DHX15: variants seen among roughly 807,000 people sequenced by gnomAD.
The protein encoded by DHX15 is DEAH-box helicase 15.
DHX15 carries 11 observed loss-of-function variants against 94.4 expected under a neutral mutation model. The ratio of observed to expected loss-of-function variants is 0.12; its 90% CI spans 0.07 to 0.19. DHX15 has a LOEUF of 0.19. Ranked by LOEUF, DHX15 falls within the 10% of genes least tolerant of loss-of-function variation. DHX15 has a pLI of 1.00. For missense variants in DHX15, 304 were observed against 988.5 expected (o/e 0.31, Z 9.29); for synonymous variants, 338 against 329.9 (o/e 1.02, Z -0.27).
intron 5 of DHX15, among the ~76,000 whole-genome samples, chr4:24,553,284 G>A (rs1340554168): frequency 6.6e-6 from 1 of 151,850 alleles, no homozygotes; most frequent in Non-Finnish European, 1.5e-5. Flanking sequence ...TCGCGCCACT[G>A]CACTCCAGCC....
intron 8 of DHX15, 98 bp from the exon 9 acceptor site, chr4:24,541,046 T>G: frequency 1.5e-6 from 1 of 662,242 alleles, no homozygotes; most frequent in Non-Finnish European, 2.7e-6. Flanking sequence ...CTATTTGTTT[T>G]GGCATTACTT....
intron 10 of DHX15, chr4:24,539,707 C>G (rs1267076271): frequency 6.5e-6 from 1 of 153,372 alleles, no homozygotes; most frequent in African/African-American, 2.4e-5. Context: ...TAATGTATAG[C>G]TTTCAGTTTG....
chr4:24,564,093 G>A (rs1353921348), intron 3 of DHX15, among the ~76,000 whole-genome samples: 2 of 148,760 alleles, frequency 1.3e-5, no homozygotes, highest in African/African-American at 2.5e-5. Context: ...AAAAGCATGA[G>A]GCAAACATCA....
At chr4:24,536,931 G>C (rs759910334) in intron 11 of DHX15, 120 bp downstream of exon 11, 16 of 1,198,118 alleles carry the variant, frequency 1.3e-5, no homozygotes, top group Non-Finnish European at 1.8e-5. Context: ...TTTTTCAAAA[G>C]TACCTCTGGG....
chr4:24,583,902 TG>T (rs1352824539), intron 1 of DHX15, among the ~76,000 whole-genome samples: 1 of 152,086 alleles, frequency 6.6e-6, no homozygotes, highest in Non-Finnish European at 1.5e-5. Context: ...CCCCTCTGGC[TG>T]GGAAGTGCCT....
chr4:24,554,453 T>C (rs542878357), intron 5 of DHX15, among the ~76,000 whole-genome samples: 2 of 152,356 alleles, frequency 1.3e-5, no homozygotes, highest in South Asian at 2.1e-4. Flanking sequence ...ATAGCACTTA[T>C]ATCCCAGGGA....
intron 5 of DHX15, among the ~76,000 whole-genome samples, chr4:24,553,742 C>T (rs557717598): frequency 5.3e-5 from 8 of 151,946 alleles, no homozygotes; most frequent in Non-Finnish European, 1.0e-4. Context: ...CATGCCACTG[C>T]GCTCCAGCCT....
chr4:24,546,530 C>G (rs956295366), intron 6 of DHX15, among the ~76,000 whole-genome samples: 1 of 152,178 alleles, frequency 6.6e-6, no homozygotes, highest in Non-Finnish European at 1.5e-5. Context: ...TAACTTTTAA[C>G]TTAGTCAAAT....
intron 3 of DHX15, among the ~76,000 whole-genome samples, chr4:24,557,530 C>A (rs1344041118): frequency 2.0e-5 from 3 of 152,126 alleles, no homozygotes; most frequent in South Asian, 2.1e-4. Context: ...GAAGTGAATT[C>A]TCTTTATTTC....
At chr4:24,551,398 A>G (rs1328608165) in intron 5 of DHX15, among the ~76,000 whole-genome samples, 2 of 152,156 alleles carry the variant, frequency 1.3e-5, no homozygotes, top group East Asian at 1.9e-4. Flanking sequence ...CTGTGTCTCT[A>G]TATCAAAAAA....
rs544062788 is a variant in DHX15, at chr4:24,545,231, G to A, written c.1249-2205C>T. Among the ~76,000 whole-genome samples, 13 of 152,246 alleles carry A rather than the reference G, an allele frequency of 8.5e-5. No individual in the cohort carries two copies. In the South Asian group the frequency reaches 2.7e-3, roughly 32 times the overall value. On this transcript the variant is annotated intron_variant, in intron 6 of 13. Coordinates refer to ENST00000336812, the MANE Select transcript of DHX15 (RefSeq NM_001358.3). ...TATGAAGAAAATCACTTTTAAAAAA[G>A]TTGTTCTGGGAAAAAATACATTTCA...
intron 11 of DHX15, chr4:24,534,014 T>C (rs1721143643): frequency 1.3e-5 from 2 of 152,210 alleles, no homozygotes; most frequent in Non-Finnish European, 1.5e-5. Flanking sequence ...ATAACAAATA[T>C]ATAAGTACAT....
intron 2 of DHX15, 124 bp from the exon 3 acceptor site, chr4:24,570,971 G>A: frequency 1.0e-6 from 1 of 978,812 alleles, no homozygotes; most frequent in South Asian, 1.7e-5. Flanking sequence ...ATGACTATAA[G>A]ACTTGTGATT....
intron 8 of DHX15, 44 bp downstream of exon 8, chr4:24,541,829 C>A: frequency 1.3e-6 from 2 of 1,483,266 alleles, no homozygotes; most frequent in African/African-American, 1.4e-5. Flanking sequence ...ATAATTCAAC[C>A]TAACATTTTA....
chr4:24,532,275 A>G (rs1482779342), intron 12 of DHX15, among the ~76,000 whole-genome samples: 2 of 152,238 alleles, frequency 1.3e-5, no homozygotes, highest in East Asian at 1.9e-4. Context: ...TTGCTACTCA[A>G]CAGACGTTTT....
Position 24,576,252 on chromosome 4 carries a change from T to C in DHX15, c.498A>G (p.Lys166=), listed in dbSNP as rs1397314176. ...FVLVGETGSG[K]TTQIPQWCVE... is the part of the protein sequence containing the mutation. ...GTATACAATAACTCACCTGTGTTGT[T>C]TTACCAGACCCAGTCTCACCAACCA... The change falls in exon 2 of 14, where the codon AAA becomes AAG. Residue 166 remains lysine, a synonymous_variant. Transcript: ENST00000336812. 1.2e-6 allele frequency: 2 copies of C among 1,613,106 alleles called. No individual in the cohort carries two copies. Among genetic ancestry groups the C allele is most frequent in the Non-Finnish European group, 1.7e-6 (2 of 1,179,278 alleles).
chr4:24,531,055 A>C (rs531110168), intron 12 of DHX15, among the ~76,000 whole-genome samples: 7 of 152,110 alleles, frequency 4.6e-5, no homozygotes, highest in Admixed American at 1.3e-4. Context: ...AATCTACATA[A>C]TTAAGAAGTA....
At chr4:24,543,159 C>G (rs531736245) in intron 6 of DHX15, 133 bp from the exon 7 acceptor site, 1 of 618,430 alleles carries the variant, frequency 1.6e-6, no homozygotes, top group Admixed American at 3.3e-5. Flanking sequence ...ATCATTTGAT[C>G]TTCAATGGCC....
At chr4:24,568,041 C>G (rs1722033802) in intron 3 of DHX15, among the ~76,000 whole-genome samples, 2 of 152,148 alleles carry the variant, frequency 1.3e-5, no homozygotes, top group African/African-American at 4.8e-5. Context: ...ATAGGTATCC[C>G]AAACACTGAA....
Sources: gnomAD v4.1 joint callset for allele counts (sites outside exome capture counted in the v4.1 genomes callset) on GRCh38, gnomAD v4.1.1 for gene constraint, MANE v1.5 for transcripts, NCBI Gene and HGNC (gene_info 2026-07-23, HGNC 2026-07-21) for gene names.